MYO16: variants seen among roughly 807,000 people sequenced by gnomAD.
The protein encoded by MYO16 is unconventional myosin-XVI.
In MYO16, 94 loss-of-function variants were observed where a neutral mutation model predicts 205.3. That is an observed-to-expected ratio of 0.46 (90% CI 0.39 to 0.54). The LOEUF is 0.54. Among genes scored for constraint, MYO16 ranks in the 20% least tolerant of loss-of-function variants. MYO16 has a pLI of 0.00. For synonymous variants in MYO16, 988 were observed against 954.0 expected, an observed-to-expected ratio of 1.04 and a Z score of -0.66; for missense variants, 2,315 against 2,387.5, an observed-to-expected ratio of 0.97 and a Z score of 0.63.
intron 7 of MYO16, among the ~76,000 whole-genome samples, chr13:108,813,286 C>A (rs1203553070): frequency 6.6e-6 from 1 of 152,112 alleles, no homozygotes; most frequent in Admixed American, 6.6e-5. Flanking sequence ...AGTATTAGAT[C>A]TGAAATAGTT....
At chr13:108,927,094 T>A (rs1415823) in intron 16 of MYO16, among the ~76,000 whole-genome samples, 146,129 of 151,850 alleles carry the variant, frequency 0.96, 70,327 homozygotes, top group East Asian at 1. Context: ...TGAACAGAGG[T>A]GAAGCCATCT....
At chr13:108,772,616 T>A (rs775237353) in intron 4 of MYO16, among the ~76,000 whole-genome samples, 2 of 152,134 alleles carry the variant, frequency 1.3e-5, no homozygotes, top group Non-Finnish European at 2.9e-5. Flanking sequence ...ATCAAGTGCA[T>A]ACTTGGAAAA....
chr13:108,633,065 T>C (rs989171414), intron 1 of MYO16, among the ~76,000 whole-genome samples: 1 of 152,122 alleles, frequency 6.6e-6, no homozygotes, highest in Non-Finnish European at 1.5e-5. Context: ...GGGGCAGCAT[T>C]GTTTGCAGCA....
At chr13:108,681,310 T>A (rs1882452545) in intron 2 of MYO16, among the ~76,000 whole-genome samples, 1 of 152,220 alleles carries the variant, frequency 6.6e-6, no homozygotes, top group Admixed American at 6.5e-5. Context: ...CTAAGGAGTT[T>A]CAGTAAAAGG....
At chr13:109,008,366 T>G (rs1466957656) in intron 21 of MYO16, among the ~76,000 whole-genome samples, 1 of 149,840 alleles carries the variant, frequency 6.7e-6, no homozygotes, top group African/African-American at 2.5e-5. Context: ...TACTGTACTA[T>G]CTATCTTGTG....
intron 4 of MYO16, among the ~76,000 whole-genome samples, chr13:108,776,314 A>G (rs182269289): frequency 2.3e-3 from 353 of 152,244 alleles, no homozygotes; most frequent in African/African-American, 7.8e-3. Flanking sequence ...AAACTAAGGC[A>G]TAGATTACAT....
chr13:108,568,312 C>G, the MYO16 span, among the ~76,000 whole-genome samples: 1 of 152,080 alleles, frequency 6.6e-6, no homozygotes, highest in Admixed American at 6.6e-5. Context: ...TAAATTCCAC[C>G]AGCAATGCAT....
chr13:108,852,222 C>A (rs917712402), intron 10 of MYO16, among the ~76,000 whole-genome samples: 1 of 152,204 alleles, frequency 6.6e-6, no homozygotes, highest in East Asian at 1.9e-4. Flanking sequence ...CCTAACTTCT[C>A]CCCCCAGCCC....
At chr13:109,203,787 C>A (rs1052671089) in intron 34 of MYO16, among the ~76,000 whole-genome samples, 2 of 152,196 alleles carry the variant, frequency 1.3e-5, no homozygotes, top group African/African-American at 4.8e-5. Context: ...TTCTGAAGCA[C>A]CTCTGTCACT....
intron 23 of MYO16, among the ~76,000 whole-genome samples, chr13:109,025,361 AT>A (rs1401419691): frequency 6.6e-6 from 1 of 152,222 alleles, no homozygotes. Flanking sequence ...CATTATTTAA[AT>A]TATAGCTGAA....
At chr13:108,520,756 A>G in the MYO16 span, among the ~76,000 whole-genome samples, 1 of 152,254 alleles carries the variant, frequency 6.6e-6, no homozygotes, top group African/African-American at 2.4e-5. Flanking sequence ...AGATTATAAT[A>G]GAATCAAAGT....
intron 4 of MYO16, among the ~76,000 whole-genome samples, chr13:108,776,207 G>A (rs1594284942): frequency 6.6e-6 from 1 of 152,110 alleles, no homozygotes. Flanking sequence ...TCACAACAGG[G>A]CATGGGAAGA....
At chr13:108,717,094 T>G (rs1467725359) in intron 3 of MYO16, among the ~76,000 whole-genome samples, 1 of 152,026 alleles carries the variant, frequency 6.6e-6, no homozygotes, top group African/African-American at 2.4e-5. Flanking sequence ...AAATTATGTT[T>G]ATGAAGTAAA....
chr13:109,023,029 TTA>T (rs1314390347), intron 23 of MYO16, among the ~76,000 whole-genome samples: 1 of 134,754 alleles, frequency 7.4e-6, no homozygotes, highest in Admixed American at 8.2e-5. Context: ...ATGTATATAT[TTA>T]TATATTAATA....
intron 27 of MYO16, among the ~76,000 whole-genome samples, chr13:109,060,091 A>T (rs974759206): frequency 6.6e-6 from 1 of 152,166 alleles, no homozygotes; most frequent in Non-Finnish European, 1.5e-5. Flanking sequence ...TTCCTCAAGG[A>T]TCTAGAACCA....
chr13:108,518,028 G>A, the MYO16 span, among the ~76,000 whole-genome samples: 1 of 152,084 alleles, frequency 6.6e-6, no homozygotes, highest in East Asian at 1.9e-4. Flanking sequence ...TTATCCTGTT[G>A]GGTATTATAA....
At chr13:108,699,178 T>TAC (rs10676759) in intron 2 of MYO16, among the ~76,000 whole-genome samples, 70,398 of 150,444 alleles carry the variant, frequency 0.47, 16,866 homozygotes, top group East Asian at 0.71. Context: ...ATATACTATA[T>TAC]ACACACATGT....
At chr13:108,785,261 C>T (rs1252220516) in intron 4 of MYO16, among the ~76,000 whole-genome samples, 1 of 152,116 alleles carries the variant, frequency 6.6e-6, no homozygotes, top group Non-Finnish European at 1.5e-5. Flanking sequence ...TTGAAGAGTT[C>T]TTTCAGAATC....
intron 20 of MYO16, among the ~76,000 whole-genome samples, chr13:108,974,031 C>T (rs1399740376): frequency 6.6e-6 from 1 of 151,806 alleles, no homozygotes; most frequent in African/African-American, 2.4e-5. Flanking sequence ...CTGATCTTTA[C>T]CTTGATGCTC....
Sources: gnomAD v4.1 joint callset for allele counts (sites outside exome capture counted in the v4.1 genomes callset) on GRCh38, gnomAD v4.1.1 for gene constraint, MANE v1.5 for transcripts, NCBI Gene and HGNC (gene_info 2026-07-23, HGNC 2026-07-21) for gene names.